Variants in FBN2 observed in about 807,000 individuals in gnomAD.
FBN2 encodes the protein fibrillin 2, also known as fibrillin-2.
A neutral mutation model predicts 355.6 loss-of-function variants in FBN2; 105 were observed. The ratio of observed to expected loss-of-function variants is 0.30; its 90% CI spans 0.25 to 0.35. The LOEUF (loss-of-function observed/expected upper bound fraction) is 0.35. Ranked by LOEUF, FBN2 falls within the 10% of genes least tolerant of loss-of-function variation. FBN2 has a pLI of 1.00. For synonymous variants in FBN2, 1,350 were observed against 1,301.2 expected, an observed-to-expected ratio of 1.04 and a Z score of -0.81; for missense variants, 3,280 against 3,758.7, an observed-to-expected ratio of 0.87 and a Z score of 3.33.
At chr5:128,424,569 C>T (rs570939546) in intron 7 of FBN2, among the ~76,000 whole-genome samples, 42 of 152,034 alleles carry the variant, frequency 2.8e-4, no homozygotes, top group African/African-American at 9.6e-4. Flanking sequence ...AATATATATT[C>T]TTTCTTGTCC....
chr5:128,418,094 C>T (rs1298337174), intron 7 of FBN2, among the ~76,000 whole-genome samples: 2 of 152,036 alleles, frequency 1.3e-5, no homozygotes, highest in Non-Finnish European at 2.9e-5. Context: ...TTCTTCTAGA[C>T]TTTCCAGTTT....
chr5:128,385,889 T>C (rs1474542720), intron 11 of FBN2, among the ~76,000 whole-genome samples: 1 of 152,158 alleles, frequency 6.6e-6, no homozygotes, highest in Non-Finnish European at 1.5e-5. Flanking sequence ...ATGAGATTTT[T>C]TTTTTGCTTG....
chr5:128,294,419 T>C (rs1749436663), intron 48 of FBN2, among the ~76,000 whole-genome samples: 1 of 152,170 alleles, frequency 6.6e-6, no homozygotes, highest in Non-Finnish European at 1.5e-5. Flanking sequence ...CCACACTGAC[T>C]TCCACAACGG....
chr5:128,536,281 A>C (rs982004721), intron 2 of FBN2, 121 bp downstream of exon 2: 29 of 772,246 alleles, frequency 3.8e-5, no homozygotes, highest in East Asian at 2.1e-4. Context: ...CCCGATTATC[A>C]GTGCAATGTG....
chr5:128,345,261 G>A (rs1751143192), intron 24 of FBN2, 96 bp downstream of exon 24: 3 of 985,068 alleles, frequency 3.0e-6, no homozygotes, highest in South Asian at 1.3e-5. Context: ...AAAATAAAGT[G>A]GGAAGTCAAA....
chr5:128,486,841 C>T (rs918522766), intron 5 of FBN2, among the ~76,000 whole-genome samples: 4 of 151,978 alleles, frequency 2.6e-5, no homozygotes, highest in African/African-American at 9.7e-5. Context: ...TGTTTAATTC[C>T]CACCTATGAG....
intron 50 of FBN2, among the ~76,000 whole-genome samples, 190 bp downstream of exon 50, chr5:128,290,542 G>A (rs904085022): frequency 1.3e-5 from 2 of 152,158 alleles, no homozygotes; most frequent in African/African-American, 2.4e-5. Context: ...CTCCACCTGT[G>A]CTTAGACATG....
intron 63 of FBN2, among the ~76,000 whole-genome samples, chr5:128,263,007 C>T (rs1185800915): frequency 6.6e-6 from 1 of 152,188 alleles, no homozygotes; most frequent in Non-Finnish European, 1.5e-5. Flanking sequence ...AAACTCCTTC[C>T]TCAGTGATCA....
chr5:128,319,436 T>C (rs1324628254), intron 34 of FBN2, among the ~76,000 whole-genome samples: 2 of 54,330 alleles, frequency 3.7e-5, no homozygotes, highest in Non-Finnish European at 8.8e-5. Context: ...AAATACATAA[T>C]CATTTTAAAT....
chr5:128,371,435 CTTTCT>C (rs974418029), intron 15 of FBN2, among the ~76,000 whole-genome samples: 1 of 151,890 alleles, frequency 6.6e-6, no homozygotes, highest in African/African-American at 2.4e-5. Context: ...CTCTCTTTTT[CTTTCT>C]TTTCTTTCTC....
At chr5:128,272,480 A>ATATG (rs966698429) in intron 61 of FBN2, among the ~76,000 whole-genome samples, 173 of 147,702 alleles carry the variant, frequency 1.2e-3, no homozygotes, top group Admixed American at 3.7e-3. Flanking sequence ...ATATATATAT[A>ATATG]TATATAAAAT....
chr5:128,426,984 C>T, intron 7 of FBN2, among the ~76,000 whole-genome samples: 1 of 152,184 alleles, frequency 6.6e-6, no homozygotes, highest in Non-Finnish European at 1.5e-5. Context: ...TTTATCCAGT[C>T]TCATGGCTTT....
chr5:128,263,478 C>T lies in FBN2; in HGVS notation c.8139G>A (p.Thr2713=), dbSNP rs1057523293. The T allele has an allele frequency of 6.8e-6, 11 of 1,614,076 alleles. No individual in the cohort carries two copies. The highest frequency in any genetic ancestry group is 1.1e-5 in the South Asian group (1 of 91,080). Residue 2713 remains threonine, a synonymous_variant, in exon 63 of 65, where the codon ACG becomes ACA. Transcript: ENST00000262464. ...KNPCNYGCSN[T]EGGYLCGCPP... The stretch of plus-strand genomic sequence containing the variant: ...GGCAGCCACAGAGGTAGCCCCCCTC[C>T]GTGTTAGAGCAGCCGTAATTGCAGG...
At chr5:128,496,749 T>G (rs570928156) in intron 5 of FBN2, among the ~76,000 whole-genome samples, 23 of 151,990 alleles carry the variant, frequency 1.5e-4, no homozygotes, top group African/African-American at 5.3e-4. Context: ...ACGCATTTCA[T>G]GTATATTATA....
intron 64 of FBN2, 85 bp from the exon 65 acceptor site, chr5:128,259,914 G>T: frequency 6.9e-7 from 1 of 1,442,070 alleles, no homozygotes; most frequent in Non-Finnish European, 9.7e-7. Context: ...AGGGGCTTTG[G>T]TCACGAGGAC....
At chr5:128,298,897 G>C (rs1749620813) in intron 48 of FBN2, among the ~76,000 whole-genome samples, 2 of 152,192 alleles carry the variant, frequency 1.3e-5, no homozygotes, top group Admixed American at 6.5e-5. Context: ...CGTTCCTTTG[G>C]AGGAGGAGAG....
intron 56 of FBN2, among the ~76,000 whole-genome samples, chr5:128,279,903 C>T (rs1765490088): frequency 6.6e-6 from 1 of 152,120 alleles, no homozygotes; most frequent in African/African-American, 2.4e-5. Flanking sequence ...TTAAATCATC[C>T]TCTGATGTAA....
At chr5:128,370,690 A>G (rs1379897068) in intron 15 of FBN2, among the ~76,000 whole-genome samples, 1 of 152,134 alleles carries the variant, frequency 6.6e-6, no homozygotes, top group Non-Finnish European at 1.5e-5. Flanking sequence ...GCATCTATGA[A>G]CAGCCAAAGT....
intron 62 of FBN2, 41 bp from the exon 63 acceptor site, chr5:128,263,697 G>C (rs1356015455): frequency 1.3e-6 from 2 of 1,501,792 alleles, no homozygotes; most frequent in Non-Finnish European, 1.8e-6. Flanking sequence ...GGGGAAGCAG[G>C]CAAGAGCAAA....
Sources: allele counts gnomAD v4.1 joint callset (sites outside exome capture counted in the v4.1 genomes callset), GRCh38; gene constraint gnomAD v4.1.1; transcripts MANE v1.5; gene names NCBI Gene and HGNC (gene_info 2026-07-23, HGNC 2026-07-21).